The following GRM1 variants were observed in gnomAD, a reference collection of about 807,000 sequenced individuals.
GRM1 encodes the protein metabotropic glutamate receptor 1.
In GRM1, 33 loss-of-function variants were observed where a neutral mutation model predicts 90.9. The ratio of observed to expected loss-of-function variants is 0.36; its 90% CI spans 0.28 to 0.49. The LOEUF (loss-of-function observed/expected upper bound fraction) is 0.49. Ranked by LOEUF, GRM1 falls within the 20% of genes least tolerant of loss-of-function variation. The pLI is 0.99. For synonymous variants in GRM1, 700 were observed against 613.2 expected, an observed-to-expected ratio of 1.14 and a Z score of -2.09; for missense variants, 1,190 against 1,534.3, an observed-to-expected ratio of 0.78 and a Z score of 3.75.
At chr6:146,062,253 A>G (rs540547310) in intron 1 of GRM1, among the ~76,000 whole-genome samples, 11 of 152,240 alleles carry the variant, frequency 7.2e-5, no homozygotes, top group African/African-American at 2.6e-4. Context: ...ACAGAAAACC[A>G]AACAATGCAT....
chr6:146,399,224 C>A lies in GRM1; in HGVS notation c.2185C>A (p.Pro729Thr), dbSNP rs41305288. Residue 729 changes from proline to threonine, a missense_variant, in exon 7 of 8, where the codon CCC becomes ACC. By Grantham distance (38) the Pro-to-Thr change is conservative. Coordinates refer to ENST00000282753, the MANE Select transcript of GRM1 (RefSeq NM_001278064.2). The surrounding 1 kb of genome is among the most constrained non-coding windows in gnomAD (Gnocchi z 5.4). ...GGTGGTAACCCTGATCATCATGGAA[C>A]CCCCTATGCCCATTCTGTCCTACCC... Reference protein sequence around the residue: ...TLVVTLIIMEPPMPILSYPSI... With the variant: ...TLVVTLIIMETPMPILSYPSI... The A allele has an allele frequency of 0.016, 25,392 of 1,613,820 alleles. 263 individuals are homozygous for A. Among genetic ancestry groups the A allele is most frequent in the Middle Eastern group, 0.039 (237 of 6,062 alleles).
At chr6:146,213,987 G>C (rs1049624184) in intron 2 of GRM1, among the ~76,000 whole-genome samples, 2 of 152,124 alleles carry the variant, frequency 1.3e-5, no homozygotes, top group Non-Finnish European at 2.9e-5. Context: ...CCCAATGTCT[G>C]AGGCGGTAAA....
At chr6:146,123,637 C>T (rs1776087843) in intron 1 of GRM1, among the ~76,000 whole-genome samples, 1 of 152,206 alleles carries the variant, frequency 6.6e-6, no homozygotes. Context: ...TGCCTCCAGT[C>T]CCTGCTGTCT....
chr6:146,301,058 T>A (rs1197706173), intron 2 of GRM1, among the ~76,000 whole-genome samples: 1 of 152,178 alleles, frequency 6.6e-6, no homozygotes, highest in Non-Finnish European at 1.5e-5. Flanking sequence ...TCTAGTGACT[T>A]TTTTTCATGA....
chr6:146,141,482 A>G (rs1229379749), intron 1 of GRM1, among the ~76,000 whole-genome samples: 2 of 152,036 alleles, frequency 1.3e-5, no homozygotes, highest in East Asian at 3.9e-4. Context: ...TTCTACACAT[A>G]TCTCTTTCTC....
chr6:146,340,548 G>GT (rs1254658494), intron 3 of GRM1: 3 of 147,548 alleles, frequency 2.0e-5, no homozygotes, highest in African/African-American at 7.4e-5. Context: ...TCTTTTTTTT[G>GT]TTTTTTGTTT....
Position 146,434,215 on chromosome 6 carries a change from C to T in GRM1, c.3004C>T (p.Leu1002Phe), listed in dbSNP as rs952268906. ...PSHLTAEETPLFLAEPALPKG... is the reference protein window; with the variant it reads ...PSHLTAEETPFFLAEPALPKG... ...CCACCTGACCGCAGAGGAGACCCCCCTCTTCCTGGCCGAACCAGCCCTCCC... is the reference window on the plus strand; with the variant it reads ...CCACCTGACCGCAGAGGAGACCCCCTTCTTCCTGGCCGAACCAGCCCTCCC... Residue 1002 changes from leucine (L) to phenylalanine (F), a missense_variant, in exon 8 of 8, where the codon CTC becomes TTC. Around this residue, in one of 10 missense-constraint regions of GRM1, gnomAD observed 400 missense variants for 360.8 expected, o/e 1.11. Transcript: ENST00000282753. 1.9e-6 allele frequency: 3 copies of T among 1,608,768 alleles called. No homozygotes were observed. Among genetic ancestry groups the T allele is most frequent in the Non-Finnish European group, 2.6e-6 (3 of 1,176,292 alleles).
chr6:146,243,459 G>A (rs1448127780), intron 2 of GRM1, among the ~76,000 whole-genome samples: 1 of 152,040 alleles, frequency 6.6e-6, no homozygotes, highest in African/African-American at 2.4e-5. Flanking sequence ...TTATAGAATA[G>A]TCAGAGCACC....
At chr6:146,146,377 G>A (rs1354281959) in intron 1 of GRM1, among the ~76,000 whole-genome samples, 9 of 151,702 alleles carry the variant, frequency 5.9e-5, no homozygotes, top group African/African-American at 1.9e-4. Flanking sequence ...GTGAGCCACC[G>A]TGCCCGGCCT....
intron 2 of GRM1, among the ~76,000 whole-genome samples, chr6:146,298,980 T>A (rs1234330302): frequency 1.3e-5 from 2 of 152,218 alleles, no homozygotes; most frequent in East Asian, 3.8e-4. Flanking sequence ...CTGCTTAGTC[T>A]AGAGTTTCAT....
At chr6:146,098,043 A>T (rs1055072341) in intron 1 of GRM1, among the ~76,000 whole-genome samples, 1 of 152,160 alleles carries the variant, frequency 6.6e-6, no homozygotes, top group Non-Finnish European at 1.5e-5. Flanking sequence ...ATAAATATTT[A>T]TAAAACTGAT....
chr6:146,304,981 G>A lies in GRM1; in HGVS notation c.1186+135G>A, dbSNP rs146169348. On this transcript the variant is annotated intron_variant, in intron 3 of 7. Transcript: ENST00000282753. ...AAATTGCCATCTGTGTTTATAAAAT[G>A]CTAGAATAAGGAGGAATTGTGTATT... The A allele has an allele frequency of 1.8e-4, 128 of 720,256 alleles. No homozygotes were observed. In the African/African-American group the frequency reaches 2.0e-3, roughly 11 times the overall value. The allele number at this position is 720,256 out of a possible 1,614,324, so 44.6% of individuals were successfully genotyped here.
At position 146,250,657 on chromosome 6, in the gene GRM1, C is replaced by T. The variant is rs559855823; in HGVS notation, c.951-53954C>T. Among the ~76,000 whole-genome samples the T allele has an allele frequency of 1.2e-3, 184 of 152,280 alleles. 1 individual carries two copies. Among genetic ancestry groups the T allele is most frequent in the African/African-American group, 4.0e-3 (168 of 41,564 alleles). On this transcript the variant is annotated intron_variant, in intron 2 of 7. Coordinates refer to ENST00000282753, the MANE Select transcript of GRM1 (RefSeq NM_001278064.2). The stretch of plus-strand genomic sequence containing the variant: ...ATAAAGATACTACCTACTCAGGATA[C>T]TTCTTTTTACAGAGGAGAAAACTGA...
At chr6:146,373,995 G>C (rs1009819382) in intron 5 of GRM1, among the ~76,000 whole-genome samples, 1 of 152,030 alleles carries the variant, frequency 6.6e-6, no homozygotes, top group African/African-American at 2.4e-5. Flanking sequence ...TACTATCTGT[G>C]GGTCTGTAAT....
intron 1 of GRM1, among the ~76,000 whole-genome samples, chr6:146,031,368 A>G (rs1233602950): frequency 2.6e-5 from 4 of 152,190 alleles, no homozygotes; most frequent in Non-Finnish European, 5.9e-5. Context: ...TCAAGAAGCC[A>G]TAGGCATGGC....
intron 2 of GRM1, among the ~76,000 whole-genome samples, chr6:146,213,991 C>A (rs889740509): frequency 6.6e-6 from 1 of 151,964 alleles, no homozygotes; most frequent in African/African-American, 2.4e-5. Flanking sequence ...ATGTCTGAGG[C>A]GGTAAAAGAA....
At chr6:146,364,032 T>C (rs1321804102) in intron 5 of GRM1, among the ~76,000 whole-genome samples, 1 of 152,238 alleles carries the variant, frequency 6.6e-6, no homozygotes, top group Non-Finnish European at 1.5e-5. Context: ...CTACCTTTCC[T>C]ATTCTCACAC....
At chr6:146,175,704 C>T (rs1463020083) in intron 2 of GRM1, among the ~76,000 whole-genome samples, 1 of 151,560 alleles carries the variant, frequency 6.6e-6, no homozygotes. Context: ...TTTAAAGTCA[C>T]AAACTGGAGT....
chr6:146,378,429 C>A lies in GRM1; in HGVS notation c.1603-8461C>A, dbSNP rs560524565. ...GTGGAGCTGCCCAAGACCATGGGAA[C>A]CCACCTCTTGCATCAGCAAGACCTG... On this transcript the variant is annotated intron_variant, in intron 5 of 7. Transcript: ENST00000282753. 5.3e-5 allele frequency among the ~76,000 whole-genome samples: 8 copies of A among 152,300 alleles called. No homozygotes were observed. In the South Asian group the frequency reaches 1.7e-3, roughly 32 times the overall value.
Sources: allele counts gnomAD v4.1 joint callset (sites outside exome capture counted in the v4.1 genomes callset), GRCh38; gene constraint gnomAD v4.1.1; regional missense constraint gnomAD v4.1.1; non-coding constraint Gnocchi (gnomAD v3.1); transcripts MANE v1.5; gene names NCBI Gene and HGNC (gene_info 2026-07-23, HGNC 2026-07-21).